The following MAGI1 variants were observed in gnomAD, a reference collection of about 807,000 sequenced individuals.
MAGI1 encodes membrane associated guanylate kinase, WW and PDZ domain containing 1, also known as membrane-associated guanylate kinase, WW and PDZ domain-containing protein 1.
MAGI1 carries 58 observed loss-of-function variants against 139.9 expected under a neutral mutation model. The observed-to-expected ratio is 0.41, with a 90% CI of 0.34 to 0.52. The LOEUF is 0.52. MAGI1 is among the 20% of genes least tolerant of loss of function. MAGI1 has a pLI of 0.12. For missense variants in MAGI1, 1,874 were observed against 1,901.6 expected (o/e 0.99, Z 0.27); for synonymous variants, 812 against 737.9 (o/e 1.10, Z -1.63).
At chr3:65,824,964 C>A (rs1317611009) in intron 1 of MAGI1, among the ~76,000 whole-genome samples, 2 of 152,192 alleles carry the variant, frequency 1.3e-5, no homozygotes, top group Non-Finnish European at 2.9e-5. Flanking sequence ...AGAAGCATGT[C>A]TGTACTCCCT....
At chr3:65,942,784 G>A (rs1462388584) in intron 1 of MAGI1, among the ~76,000 whole-genome samples, 1 of 152,174 alleles carries the variant, frequency 6.6e-6, no homozygotes, top group Non-Finnish European at 1.5e-5. Flanking sequence ...TTAGTAGGAG[G>A]CCAAACCAGA....
At chr3:65,677,278 G>A (rs2087256032) in intron 1 of MAGI1, among the ~76,000 whole-genome samples, 1 of 152,058 alleles carries the variant, frequency 6.6e-6, no homozygotes, top group South Asian at 2.1e-4. Flanking sequence ...AATATTTTGG[G>A]AGGGGATTTT....
chr3:65,629,377 A>G (rs568016638), intron 1 of MAGI1, among the ~76,000 whole-genome samples: 105 of 152,326 alleles, frequency 6.9e-4, no homozygotes, highest in African/African-American at 2.2e-3. Flanking sequence ...ATTAGAATTG[A>G]CACTTTAATA....
chr3:65,407,902 T>C (rs886813205), intron 12 of MAGI1, among the ~76,000 whole-genome samples: 2 of 152,188 alleles, frequency 1.3e-5, no homozygotes, highest in Admixed American at 6.5e-5. Flanking sequence ...AAAAAACAAC[T>C]GGAGTTTGTT....
At chr3:65,924,434 T>C (rs1576078824) in intron 1 of MAGI1, among the ~76,000 whole-genome samples, 1 of 152,330 alleles carries the variant, frequency 6.6e-6, no homozygotes, top group East Asian at 1.9e-4. Flanking sequence ...ATTTCAAGAA[T>C]TTCTAGCATC....
intron 1 of MAGI1, among the ~76,000 whole-genome samples, chr3:65,935,387 A>C (rs536280463): frequency 6.6e-6 from 1 of 152,310 alleles, no homozygotes; most frequent in Admixed American, 6.5e-5. Context: ...ATGGTGGTTC[A>C]CTTTGGAAGG....
intron 2 of MAGI1, among the ~76,000 whole-genome samples, chr3:65,619,196 T>C (rs1245771202): frequency 2.0e-5 from 3 of 152,206 alleles, no homozygotes; most frequent in Non-Finnish European, 4.4e-5. Flanking sequence ...ATGAGTAATA[T>C]GGCATTTCAA....
chr3:65,549,693 G>C (rs183749551), intron 2 of MAGI1, among the ~76,000 whole-genome samples: 1 of 152,096 alleles, frequency 6.6e-6, no homozygotes, highest in Admixed American at 6.5e-5. Context: ...GGCCTTGGAC[G>C]GGGGTAGGGG....
At chr3:65,616,192 T>C (rs2083358870) in intron 2 of MAGI1, among the ~76,000 whole-genome samples, 1 of 132,486 alleles carries the variant, frequency 7.5e-6, no homozygotes, top group Non-Finnish European at 1.6e-5. Context: ...AACCGATGCA[T>C]AGCAAATACG....
rs143151161 is a variant in MAGI1, at chr3:65,369,890, T to C, written c.3197-4944A>G. On this transcript the variant is annotated intron_variant, in intron 18 of 22. Coordinates refer to ENST00000402939, the MANE Select transcript of MAGI1 (RefSeq NM_001033057.2). ...CTCCTTGTAGATATCATGAAACAAA[T>C]GGTTTTTGGGCCACTTGATGAAGTA... 3.3e-5 allele frequency among the ~76,000 whole-genome samples: 5 copies of C among 152,216 alleles called. No homozygotes were observed. The East Asian group carries it at 7.7e-4, about 24-fold the overall frequency.
chr3:65,683,657 G>A (rs370836246), intron 1 of MAGI1, among the ~76,000 whole-genome samples: 1 of 86,382 alleles, frequency 1.2e-5, no homozygotes, highest in African/African-American at 3.4e-5. Flanking sequence ...GACTGAATAG[G>A]ATATATATAT....
At chr3:65,378,964 G>T (rs1166629266) in intron 17 of MAGI1, among the ~76,000 whole-genome samples, 6 of 152,184 alleles carry the variant, frequency 3.9e-5, no homozygotes, top group Admixed American at 2.0e-4. Flanking sequence ...TTACAGGCGT[G>T]AGCAACAGCG....
At chr3:65,690,223 A>G (rs1480283167) in intron 1 of MAGI1, among the ~76,000 whole-genome samples, 1 of 152,236 alleles carries the variant, frequency 6.6e-6, no homozygotes, top group Non-Finnish European at 1.5e-5. Context: ...ACAGGCAAAT[A>G]TATTCCTTGA....
At chr3:65,438,231 A>G (rs2107398450) in intron 9 of MAGI1, among the ~76,000 whole-genome samples, 3 of 152,324 alleles carry the variant, frequency 2.0e-5, no homozygotes, top group Middle Eastern at 3.4e-3. Context: ...TTGCGGCAAC[A>G]TGAATGGAAC....
chr3:65,745,915 A>T (rs148088255), intron 1 of MAGI1, among the ~76,000 whole-genome samples: 1,948 of 152,262 alleles, frequency 0.013, 44 homozygotes, highest in African/African-American at 0.043. Flanking sequence ...TTTTTTATAG[A>T]GACAGGGATT....
intron 1 of MAGI1, among the ~76,000 whole-genome samples, chr3:65,828,065 G>T (rs1332375448): frequency 6.6e-6 from 1 of 152,132 alleles, no homozygotes; most frequent in Non-Finnish European, 1.5e-5. Flanking sequence ...AATTAACATA[G>T]CTTCATTCTG....
At chr3:65,358,985 AT>A (rs1396498779) in intron 22 of MAGI1, 1 of 1,300,634 alleles carries the variant, frequency 7.7e-7, no homozygotes, top group African/African-American at 1.5e-5. Flanking sequence ...TGCCAAACAT[AT>A]CAAAACAGAG....
At chr3:65,646,381 G>C (rs1196169667) in intron 1 of MAGI1, among the ~76,000 whole-genome samples, 2 of 151,460 alleles carry the variant, frequency 1.3e-5, no homozygotes, top group African/African-American at 4.9e-5. Flanking sequence ...CTAAACAAGA[G>C]AGCTGCAAAA....
intron 2 of MAGI1, among the ~76,000 whole-genome samples, chr3:65,535,874 A>G (rs562458111): frequency 1.2e-4 from 19 of 152,330 alleles, no homozygotes; most frequent in African/African-American, 4.1e-4. Flanking sequence ...TTCTTTGGTT[A>G]AACAGCAGCT....
Sources: gnomAD v4.1 joint callset for allele counts (sites outside exome capture counted in the v4.1 genomes callset) on GRCh38, gnomAD v4.1.1 for gene constraint, MANE v1.5 for transcripts, NCBI Gene and HGNC (gene_info 2026-07-23, HGNC 2026-07-21) for gene names.